The following ICA1L variants were observed in gnomAD, a reference collection of about 807,000 sequenced individuals.
The protein encoded by ICA1L is islet cell autoantigen 1 like, also known as islet cell autoantigen 1-like protein.
ICA1L carries 50 observed loss-of-function variants against 61.3 expected under a neutral mutation model. That is an observed-to-expected ratio of 0.82 (90% confidence interval 0.65 to 1.03). The LOEUF (loss-of-function observed/expected upper bound fraction) is 1.03, where lower values mean the gene tolerates loss of function less well. ICA1L is among the 50% of genes least tolerant of loss of function. ICA1L has a pLI of 0.00. For missense variants in ICA1L, 508 were observed against 556.7 expected, an observed-to-expected ratio of 0.91 and a Z score of 0.88; for synonymous variants, 161 against 191.3, an observed-to-expected ratio of 0.84 and a Z score of 1.31.
intron 10 of ICA1L, among the ~76,000 whole-genome samples, chr2:202,792,853 G>A (rs1176956223): frequency 1.3e-5 from 2 of 151,946 alleles, no homozygotes; most frequent in Non-Finnish European, 1.5e-5. Context: ...ACAACAACAT[G>A]GATGACTCCA....
chr2:202,774,299 GCGGA>G lies in ICA1L; in HGVS notation c.*5230_*5233del, dbSNP rs531926898. 1,197 of 1,516,018 alleles carry G rather than the reference GCGGA, an allele frequency of 7.9e-4. 9 individuals are homozygous for G. The African/African-American group carries it at 0.015, about 19-fold the overall frequency. 93.9% of individuals were successfully genotyped at this position (1,516,018 alleles called of 1,614,324 possible). ...CGCGTGCAGGCACCTACGGGCGACC[GCGGA>G]CGGCGGCGCGCGCGTTCCCCGCAGC... On this transcript the variant is annotated 3_prime_UTR_variant, in exon 13 of 13. Coordinates refer to ENST00000358299, the MANE Select transcript of ICA1L (RefSeq NM_001288622.3).
chr2:202,806,841 C>T (rs1462295982), intron 9 of ICA1L, among the ~76,000 whole-genome samples: 1 of 152,036 alleles, frequency 6.6e-6, no homozygotes, highest in Non-Finnish European at 1.5e-5. Flanking sequence ...AGCCAGGATC[C>T]AAACTCAGAT....
chr2:202,807,123 C>T (rs1406814893), intron 9 of ICA1L, among the ~76,000 whole-genome samples: 1 of 152,164 alleles, frequency 6.6e-6, no homozygotes, highest in Admixed American at 6.6e-5. Flanking sequence ...AACAATTATC[C>T]ATACAAGAAA....
rs1272610571 is a variant in ICA1L, at chr2:202,796,956, CTTTG to C, written c.915_918del (p.Asn305LysfsTer10). 6.3e-6 allele frequency: 10 copies of C among 1,591,724 alleles called. No homozygotes were observed. The highest frequency in any genetic ancestry group is 1.3e-5 in the African/African-American group (1 of 74,178). On this transcript the variant is annotated frameshift_variant, in exon 10 of 13. Coordinates refer to ENST00000358299, the MANE Select transcript of ICA1L (RefSeq NM_001288622.3). LOFTEE classifies it high-confidence loss of function. The stretch of plus-strand genomic sequence containing the variant: ...ATTTGAGAATGTTTTTCATTGTGAT[CTTTG>C]TTTGCTAAATCAAAAGCACATAAAA...
intron 10 of ICA1L, among the ~76,000 whole-genome samples, chr2:202,790,259 A>G (rs1692706126): frequency 6.6e-6 from 1 of 152,240 alleles, no homozygotes; most frequent in African/African-American, 2.4e-5. Context: ...ATCAATAAAA[A>G]TGAAAGGGAG....
intron 1 of ICA1L, chr2:202,841,737 T>C (rs1277191382): frequency 1.4e-5 from 7 of 494,880 alleles, no homozygotes; most frequent in Non-Finnish European, 2.4e-5. Flanking sequence ...GAGGACCACC[T>C]CTGGTGGACA....
chr2:202,789,573 A>C (rs925312153), intron 10 of ICA1L, among the ~76,000 whole-genome samples: 3 of 152,182 alleles, frequency 2.0e-5, no homozygotes, highest in Non-Finnish European at 2.9e-5. Flanking sequence ...CACACACACA[A>C]AAATTGTGTT....
chr2:202,864,485 G>A lies in ICA1L; in HGVS notation c.-8+7134C>T, dbSNP rs1011186550. ...CCTGACCTCGTGATCCACCCGCCTC[G>A]GCCTCCCAAAGTGCTGGGATTACAG... On this transcript the variant is annotated intron_variant, in intron 1 of 12. Coordinates refer to ENST00000358299, the MANE Select transcript of ICA1L (RefSeq NM_001288622.3). 4.6e-4 allele frequency among the ~76,000 whole-genome samples: 70 copies of A among 151,900 alleles called. No homozygotes were observed. The East Asian group carries it at 0.013, about 27-fold the overall frequency.
intron 1 of ICA1L, among the ~76,000 whole-genome samples, chr2:202,837,891 T>C (rs1223659179): frequency 6.6e-6 from 1 of 152,202 alleles, no homozygotes; most frequent in Non-Finnish European, 1.5e-5. Flanking sequence ...TTCACTCTTG[T>C]TGCTCAGGCT....
At chr2:202,798,489 C>T (rs1216499849) in intron 9 of ICA1L, among the ~76,000 whole-genome samples, 3 of 152,316 alleles carry the variant, frequency 2.0e-5, no homozygotes, top group African/African-American at 4.8e-5. Flanking sequence ...AATCCTCCCA[C>T]CTTGGCCTCC....
In ICA1L at chr2:202,821,438, A is replaced by G; in HGVS notation, c.279T>C (p.Phe93=). Reference sequence around the variant, plus strand: ...CTTGAGTTGCATCCCGTTCTGCTTGAAATTTTAAAAAGAGCCCTAGCTCAT... The same window carrying G: ...CTTGAGTTGCATCCCGTTCTGCTTGGAATTTTAAAAAGAGCCCTAGCTCAT... The part of the protein sequence containing the change: ...EENELGLFLK[F]QAERDATQAG... The change falls in exon 4 of 13, where the codon TTT becomes TTC. Residue 93 remains phenylalanine, a synonymous_variant. Coordinates refer to ENST00000358299, the MANE Select transcript of ICA1L (RefSeq NM_001288622.3). 6.2e-7 allele frequency: 1 copy of G among 1,613,208 alleles called. No homozygotes were observed. Among genetic ancestry groups the G allele is most frequent in the Non-Finnish European group, 8.5e-7 (1 of 1,179,588 alleles).
chr2:202,781,164 T>G (rs1692389789), intron 12 of ICA1L, among the ~76,000 whole-genome samples: 1 of 152,130 alleles, frequency 6.6e-6, no homozygotes, highest in Non-Finnish European at 1.5e-5. Context: ...TATTACTGCC[T>G]CCAGAGATTC....
At chr2:202,859,334 A>G (rs969115802) in intron 1 of ICA1L, among the ~76,000 whole-genome samples, 1 of 152,238 alleles carries the variant, frequency 6.6e-6, no homozygotes, top group Non-Finnish European at 1.5e-5. Flanking sequence ...TTACTGAGAT[A>G]CTGATCTAGT....
chr2:202,853,184 C>T (rs961286091), intron 1 of ICA1L, among the ~76,000 whole-genome samples: 5 of 151,816 alleles, frequency 3.3e-5, no homozygotes, highest in Non-Finnish European at 7.4e-5. Context: ...TGATGAAACC[C>T]CGTCTCTACT....
In ICA1L at chr2:202,821,495, T is replaced by C. The variant is rs1347800021; in HGVS notation, c.236-14A>G. ...CCTCTGATATAACTAGGAAAAAAAT[T>C]ACAGTGTAGTTAATTGTTTCCTTTC... On this transcript the variant is annotated splice_polypyrimidine_tract_variant and intron_variant, in intron 3 of 12. Coordinates refer to ENST00000358299, the MANE Select transcript of ICA1L (RefSeq NM_001288622.3). The C allele has an allele frequency of 6.3e-7, 1 of 1,585,410 alleles. No individual in the cohort carries two copies. Among genetic ancestry groups the C allele is most frequent in the Admixed American group, 1.8e-5 (1 of 56,812 alleles).
At chr2:202,803,444 AGGAAAAGGAT>A (rs1693145028) in intron 9 of ICA1L, among the ~76,000 whole-genome samples, 1 of 151,286 alleles carries the variant, frequency 6.6e-6, no homozygotes, top group Non-Finnish European at 1.5e-5. Flanking sequence ...GAAGATTGAA[AGGAAAAGGAT>A]GGAAAAGGGT....
chr2:202,837,823 T>C (rs757220878), intron 1 of ICA1L, among the ~76,000 whole-genome samples: 2 of 152,150 alleles, frequency 1.3e-5, no homozygotes, highest in Non-Finnish European at 2.9e-5. Flanking sequence ...AGTTTTGGGA[T>C]ATTGTATTTC....
chr2:202,840,728 TTGGCA>T (rs1694304927), intron 1 of ICA1L: 3 of 598,542 alleles, frequency 5.0e-6, no homozygotes, highest in Non-Finnish European at 9.6e-6. Context: ...CTCGGAGAGC[TTGGCA>T]TTGGCATCCT....
chr2:202,852,647 G>C (rs530747824), intron 1 of ICA1L, among the ~76,000 whole-genome samples: 1 of 144,312 alleles, frequency 6.9e-6, no homozygotes, highest in South Asian at 2.3e-4. Context: ...ACTCCAGCCT[G>C]GGTGACAGAG....
Sources: allele counts gnomAD v4.1 joint callset (sites outside exome capture counted in the v4.1 genomes callset), GRCh38; gene constraint gnomAD v4.1.1; transcripts MANE v1.5; gene names NCBI Gene and HGNC (gene_info 2026-07-23, HGNC 2026-07-21).